Variants in UNC79 observed in about 807,000 individuals in gnomAD.
The protein encoded by UNC79 is protein unc-79 homolog.
In UNC79, 37 loss-of-function variants were observed where a neutral mutation model predicts 283.1. The observed-to-expected ratio is 0.13, with a 90% confidence interval of 0.10 to 0.17. The LOEUF is 0.17. Ranked by LOEUF, UNC79 falls within the 10% of genes least tolerant of loss-of-function variation. The pLI, the probability that UNC79 is intolerant of heterozygous loss-of-function variation, is 1.00. For missense variants in UNC79, 2,272 were observed against 3,211.1 expected (o/e 0.71, Z 7.07); for synonymous variants, 1,107 against 1,200.2 (o/e 0.92, Z 1.61).
At chr14:93,615,720 C>CAAAAAAAAAAAAAAAAA (rs1158073507) in intron 27 of UNC79, among the ~76,000 whole-genome samples, 5 of 23,282 alleles carry the variant, frequency 2.1e-4, no homozygotes, top group Non-Finnish European at 4.2e-4. Flanking sequence ...GACTCCATCT[C>CAAAAAAAAAAAAAAAAA]AAAAAAAAAA....
intron 14 of UNC79, among the ~76,000 whole-genome samples, chr14:93,566,895 G>A (rs1002223476): frequency 2.0e-5 from 3 of 152,232 alleles, no homozygotes; most frequent in Middle Eastern, 3.4e-3. Flanking sequence ...GGGATTACAG[G>A]CTTGAGCCAC....
At chr14:93,502,989 A>G (rs550406188) in intron 7 of UNC79, among the ~76,000 whole-genome samples, 1 of 152,340 alleles carries the variant, frequency 6.6e-6, no homozygotes, top group East Asian at 1.9e-4. Flanking sequence ...ATAATTAAAA[A>G]TGTTTTAAAA....
intron 19 of UNC79, among the ~76,000 whole-genome samples, chr14:93,581,146 T>G (rs1181714739): frequency 6.6e-6 from 1 of 152,140 alleles, no homozygotes; most frequent in Admixed American, 6.5e-5. Flanking sequence ...AACCAGTATT[T>G]GTGTCTTTAA....
At chr14:93,396,162 C>A (rs1305802335) in intron 1 of UNC79, among the ~76,000 whole-genome samples, 1 of 151,020 alleles carries the variant, frequency 6.6e-6, no homozygotes, top group Non-Finnish European at 1.5e-5. Flanking sequence ...CTGCTGAAAT[C>A]TTCTGTTGAG....
At chr14:93,548,193 A>G (rs1330566244) in intron 14 of UNC79, among the ~76,000 whole-genome samples, 2 of 152,164 alleles carry the variant, frequency 1.3e-5, no homozygotes. Context: ...AGGCAGATTT[A>G]GTGTCTGGTG....
intron 1 of UNC79, among the ~76,000 whole-genome samples, chr14:93,382,608 C>T (rs1489271738): frequency 6.6e-6 from 1 of 152,090 alleles, no homozygotes; most frequent in Non-Finnish European, 1.5e-5. Context: ...TAATGAGTAC[C>T]TTCTTGGTGC....
intron 1 of UNC79, 43 bp from the exon 2 acceptor site, chr14:93,467,628 C>CTGTTTTTTTT (rs2057263565): frequency 1.4e-6 from 1 of 733,866 alleles, no homozygotes; most frequent in African/African-American, 5.5e-5. Context: ...TTTCTTCTTC[C>CTGTTTTTTTT]TTTTTTTTTT....
chr14:93,662,877 AAC>A (rs35000706), intron 40 of UNC79, among the ~76,000 whole-genome samples, 163 bp downstream of exon 43: 2,085 of 148,208 alleles, frequency 0.014, 19 homozygotes, highest in Non-Finnish European at 0.015. Context: ...AAACACTTTA[AAC>A]ACACACACAC....
At chr14:93,656,699 G>A (rs1049912924) in intron 38 of UNC79, among the ~76,000 whole-genome samples, 8 of 151,842 alleles carry the variant, frequency 5.3e-5, no homozygotes, top group Non-Finnish European at 8.8e-5. Context: ...TTAGCCAGGC[G>A]TAATGGCATG....
At chr14:93,351,061 C>CT (rs35394569) in intron 1 of UNC79, among the ~76,000 whole-genome samples, 10,936 of 152,202 alleles carry the variant, frequency 0.072, 814 homozygotes, top group African/African-American at 0.19. Context: ...TTCATGTACT[C>CT]TTTTCAACAG....
chr14:93,633,434 A>G (rs1341980573), intron 31 of UNC79, among the ~76,000 whole-genome samples: 1 of 152,194 alleles, frequency 6.6e-6, no homozygotes, highest in Non-Finnish European at 1.5e-5. Context: ...CCTTGGTGCC[A>G]TGATTGTGAA....
intron 22 of UNC79, 112 bp downstream of exon 22, chr14:93,587,020 C>A: frequency 7.6e-7 from 1 of 1,308,736 alleles, no homozygotes; most frequent in Non-Finnish European, 1.0e-6. Context: ...TGAGCCAGGA[C>A]AGCTCGATTG....
At chr14:93,453,843 C>T (rs761189793) in intron 1 of UNC79, among the ~76,000 whole-genome samples, 1 of 152,188 alleles carries the variant, frequency 6.6e-6, no homozygotes, top group East Asian at 1.9e-4. Context: ...TTAATTTCTT[C>T]ATCACATCAT....
rs1352663300 is a variant in UNC79, at chr14:93,577,924, G to A, written c.2294G>A (p.Arg765Gln). ...CATAGTCCTTTCCAGAGTCCGTTTC[G>A]GAGTCCTTTGCGTAGTCCGTTTCGT... The change falls in exon 18 of 49, where the codon CGG (arginine) becomes CAG (glutamine). Residue 765 changes from arginine to glutamine, a missense_variant. Arg to Gln is a conservative substitution (Grantham distance 43). Transcript: ENST00000555664. The A allele has an allele frequency of 7.4e-6, 12 of 1,613,998 alleles. No individual in the cohort carries two copies. Among genetic ancestry groups the A allele is most frequent in the Middle Eastern group, 1.6e-4 (1 of 6,084 alleles).
intron 1 of UNC79, among the ~76,000 whole-genome samples, chr14:93,400,092 TC>T (rs2055077290): frequency 6.6e-6 from 1 of 152,188 alleles, no homozygotes. Context: ...GTTCTCCTCT[TC>T]CTATGACCAA....
intron 32 of UNC79, among the ~76,000 whole-genome samples, chr14:93,638,302 C>T (rs1381946694): frequency 6.6e-6 from 1 of 152,136 alleles, no homozygotes; most frequent in Non-Finnish European, 1.5e-5. Flanking sequence ...CAGTTTTAGT[C>T]CCTGTACTGG....
In UNC79 at chr14:93,388,350, T is replaced by C. The variant is rs534331941; in HGVS notation, c.-351+54827T>C. Reference sequence around the variant, plus strand: ...ATTATTTTGATGGACATGCATACCCTTCCTTTCTTCTTTCCTTCCTTCCTC... The same window carrying C: ...ATTATTTTGATGGACATGCATACCCCTCCTTTCTTCTTTCCTTCCTTCCTC... On this transcript the variant is annotated intron_variant, in intron 1 of 49. Coordinates refer to the UNC79 transcript ENST00000256339. Among the ~76,000 whole-genome samples the C allele has an allele frequency of 9.4e-4, 143 of 152,336 alleles. 2 individuals carry two copies. Among genetic ancestry groups the C allele is most frequent in the African/African-American group, 3.3e-3 (138 of 41,584 alleles).
At chr14:93,401,267 C>CA (rs1595432750) in intron 1 of UNC79, among the ~76,000 whole-genome samples, 2 of 151,988 alleles carry the variant, frequency 1.3e-5, no homozygotes, top group African/African-American at 4.8e-5. Flanking sequence ...ATTCCAAGGG[C>CA]AAAGCTTTGA....
intron 12 of UNC79, among the ~76,000 whole-genome samples, chr14:93,539,305 G>A (rs1386042030): frequency 6.7e-6 from 1 of 149,838 alleles, no homozygotes; most frequent in African/African-American, 2.4e-5. Flanking sequence ...GGTGGATCAC[G>A]GGGTCAGGAT....
Sources: gnomAD v4.1 joint callset for allele counts (sites outside exome capture counted in the v4.1 genomes callset) on GRCh38, gnomAD v4.1.1 for gene constraint, MANE v1.5 for transcripts, NCBI Gene and HGNC (gene_info 2026-07-23, HGNC 2026-07-21) for gene names.